Variants in DAPK2 observed in about 807,000 individuals in gnomAD.
The protein encoded by DAPK2 is death associated protein kinase 2.
In DAPK2, 35 loss-of-function variants were observed where a neutral mutation model predicts 44.1. The ratio of observed to expected loss-of-function variants is 0.79; its 90% CI spans 0.61 to 1.05. The LOEUF is 1.05. DAPK2 is among the 50% of genes least tolerant of loss of function. DAPK2 has a pLI of 0.00. For missense variants in DAPK2, 453 were observed against 483.2 expected, an observed-to-expected ratio of 0.94 and a Z score of 0.59; for synonymous variants, 174 against 182.6, an observed-to-expected ratio of 0.95 and a Z score of 0.38.
chr15:64,003,255 A>G (rs551731917), intron 1 of DAPK2, among the ~76,000 whole-genome samples: 88 of 152,132 alleles, frequency 5.8e-4, no homozygotes, highest in Non-Finnish European at 1.0e-3. Context: ...TTCGATCCAG[A>G]GCACATCTCT....
At position 63,946,651 on chromosome 15, in the gene DAPK2, G is replaced by C. The variant is rs1401430453; in HGVS notation, c.454-7290C>G. Among the ~76,000 whole-genome samples, 3 of 152,308 alleles carry C rather than the reference G, an allele frequency of 2.0e-5. No homozygotes were observed. The East Asian group carries it at 5.8e-4, about 29-fold the overall frequency. On this transcript the variant is annotated intron_variant, in intron 3 of 10. Coordinates refer to ENST00000261891, the Ensembl canonical transcript of DAPK2. ...TGCAAGGGACCTCAGAGATCATTTA[G>C]TCCCTTCATGTCAGAGCAGCCCAGA...
chr15:63,908,515 G>T lies in DAPK2; in HGVS notation c.*5C>A. On this transcript the variant is annotated 3_prime_UTR_variant, in exon 11 of 11. Coordinates refer to ENST00000261891, the Ensembl canonical transcript of DAPK2. This position sits in a 1 kb window ranked among gnomAD's most constrained non-coding sequence, Gnocchi z 5.7. Reference sequence around the variant, plus strand: ...CTCCCTGGCGGCCACTGCAGGTCAGGCCAGTTAGGAGGTGCTGCTCCTCCT... The same window carrying T: ...CTCCCTGGCGGCCACTGCAGGTCAGTCCAGTTAGGAGGTGCTGCTCCTCCT... 6.3e-7 allele frequency: 1 copy of T among 1,583,972 alleles called. No individual in the cohort carries two copies.
intron 1 of DAPK2, among the ~76,000 whole-genome samples, chr15:64,045,640 C>T (rs2080444721): frequency 6.6e-6 from 1 of 152,226 alleles, no homozygotes; most frequent in Admixed American, 6.5e-5. Flanking sequence ...ATACCAATTT[C>T]CACCGTGCAG....
intron 1 of DAPK2, among the ~76,000 whole-genome samples, chr15:64,036,307 G>GTATATA (rs1233918566): frequency 6.4e-4 from 34 of 53,140 alleles, no homozygotes; most frequent in East Asian, 3.1e-3. Context: ...GTGTGTGTGT[G>GTATATA]TGTATATATA....
At position 63,926,020 on chromosome 15, in the gene DAPK2, C is replaced by T. The variant is rs370739509; in HGVS notation, c.733G>A (p.Asp245Asn). ...TGGCTGAAGAATTCCTCATCAAAGTCGTAACTCACTGCTGTGATATTTGCC... is the reference window on the plus strand; with the variant it reads ...TGGCTGAAGAATTCCTCATCAAAGTTGTAACTCACTGCTGTGATATTTGCC... Residue 245 changes from aspartate to asparagine, a missense_variant, in exon 7 of 11, where the codon GAC (aspartate) becomes AAC (asparagine). Coordinates refer to ENST00000261891, the Ensembl canonical transcript of DAPK2. 25 of 1,614,064 alleles carry T rather than the reference C, an allele frequency of 1.5e-5. No homozygotes were observed. Among genetic ancestry groups the T allele is most frequent in the African/African-American group, 1.5e-4 (11 of 74,938 alleles).
chr15:63,948,085 T>A (rs1168099910), intron 3 of DAPK2, among the ~76,000 whole-genome samples: 2 of 151,800 alleles, frequency 1.3e-5, no homozygotes, highest in African/African-American at 4.8e-5. Context: ...CTGGCCAACA[T>A]AGCGAAACCC....
intron 1 of DAPK2, among the ~76,000 whole-genome samples, chr15:63,985,191 T>C (rs1458325765): frequency 7.7e-6 from 1 of 130,670 alleles, no homozygotes; most frequent in Non-Finnish European, 1.6e-5. Context: ...GGGGCTGGAC[T>C]GGGCAGAGAA....
chr15:64,027,518 C>T (rs1013701902), intron 1 of DAPK2, among the ~76,000 whole-genome samples: 5 of 151,944 alleles, frequency 3.3e-5, no homozygotes, highest in African/African-American at 7.3e-5. Flanking sequence ...GCCATGATCA[C>T]GCCACTGCCC....
At position 63,939,440 on chromosome 15, in the gene DAPK2, C is replaced by G. The variant is rs1447663901; in HGVS notation, c.454-79G>C. ...GACGGTAATTAAAGGCTGGTTGGTT[C>G]GTGTTTTGGCTTTGGGGTTTGGGGT... On this transcript the variant is annotated intron_variant, in intron 3 of 10. Transcript: ENST00000261891. The surrounding 1 kb of genome is among the most constrained non-coding windows in gnomAD (Gnocchi z 4.3). The G allele has an allele frequency of 6.9e-7, 1 of 1,440,652 alleles. No individual in the cohort carries two copies. Among genetic ancestry groups the G allele is most frequent in the Non-Finnish European group, 9.3e-7 (1 of 1,075,112 alleles). The allele number at this position is 1,440,652 out of a possible 1,614,324, so 89.2% of individuals were successfully genotyped here.
chr15:63,908,630 G>T lies in DAPK2; in HGVS notation c.1033-30C>A. 1 of 1,553,060 alleles carries T rather than the reference G, an allele frequency of 6.4e-7. No individual in the cohort carries two copies. On this transcript the variant is annotated intron_variant, in intron 10 of 10. Transcript: ENST00000261891. This position sits in a 1 kb window ranked among gnomAD's most constrained non-coding sequence, Gnocchi z 5.7. ...AGAAAAAAAAGAGAAAGAGGTCCAG[G>T]GCAGGAGGATCATGAGACGCCAGGA...
At chr15:63,928,487 A>C (rs2079386400) in intron 6 of DAPK2, 1 of 152,230 alleles carries the variant, frequency 6.6e-6, no homozygotes, top group African/African-American at 2.4e-5. Context: ...GAAGGCAAAA[A>C]GGTTGGGAAG....
In DAPK2 at chr15:64,002,311, T is replaced by C. The variant is rs954833861; in HGVS notation, c.93-18557A>G. ...AGTTCATCAGAAATTCCTTTTTTTATGTAAGTCTTCTTATTGGAAACACAA... is the reference window on the plus strand; with the variant it reads ...AGTTCATCAGAAATTCCTTTTTTTACGTAAGTCTTCTTATTGGAAACACAA... On this transcript the variant is annotated intron_variant, in intron 1 of 10. Coordinates refer to ENST00000261891, the Ensembl canonical transcript of DAPK2. Among the ~76,000 whole-genome samples, 4 of 152,238 alleles carry C rather than the reference T, an allele frequency of 2.6e-5. No individual in the cohort carries two copies. In the East Asian group the frequency reaches 7.7e-4, roughly 29 times the overall value.
intron 1 of DAPK2, among the ~76,000 whole-genome samples, chr15:64,001,178 G>A (rs1051498431): frequency 1.1e-4 from 17 of 149,340 alleles, no homozygotes; most frequent in Non-Finnish European, 2.2e-4. Context: ...CACCCGGCCA[G>A]AGTCAACACT....
chr15:63,983,767 A>G lies in DAPK2; in HGVS notation c.93-13T>C. On this transcript the variant is annotated splice_polypyrimidine_tract_variant and intron_variant, in intron 1 of 10. Transcript: ENST00000261891. ...GGCAAACTGGCCACTGTGGGGACAC[A>G]GACCCACAAGATTAGGTCATCACTG... 1.2e-6 allele frequency: 2 copies of G among 1,606,026 alleles called. No homozygotes were observed. Among genetic ancestry groups the G allele is most frequent in the Non-Finnish European group, 1.7e-6 (2 of 1,177,832 alleles).
intron 2 of DAPK2, among the ~76,000 whole-genome samples, chr15:63,974,187 C>T (rs2078286039): frequency 1.3e-5 from 2 of 152,138 alleles, no homozygotes; most frequent in South Asian, 4.1e-4. Flanking sequence ...TTTTTACTTG[C>T]TAAATCTGGC....
intron 4 of DAPK2, among the ~76,000 whole-genome samples, chr15:63,932,309 T>C (rs541142350): frequency 2.0e-5 from 3 of 149,850 alleles, no homozygotes; most frequent in African/African-American, 7.4e-5. Context: ...CAACTAAAAG[T>C]ACAAAATTAG....
chr15:63,936,826 A>T (rs537648022), intron 4 of DAPK2, among the ~76,000 whole-genome samples: 27 of 151,868 alleles, frequency 1.8e-4, no homozygotes, highest in Admixed American at 2.6e-4. Flanking sequence ...AAAAATTTTT[A>T]AAAAATTGCC....
chr15:63,984,320 T>G (rs928023984), intron 1 of DAPK2, among the ~76,000 whole-genome samples: 2 of 152,158 alleles, frequency 1.3e-5, no homozygotes, highest in African/African-American at 2.4e-5. Flanking sequence ...AGCCTCAAAG[T>G]CAGATACCCA....
chr15:64,015,222 C>T (rs891129554), intron 1 of DAPK2, among the ~76,000 whole-genome samples: 8 of 152,238 alleles, frequency 5.3e-5, no homozygotes, highest in Admixed American at 3.9e-4. Context: ...CAAGGACAGC[C>T]TCTCTCTTGC....
Sources: gnomAD v4.1 joint callset for allele counts (sites outside exome capture counted in the v4.1 genomes callset) on GRCh38, gnomAD v4.1.1 for gene constraint, Gnocchi (gnomAD v3.1) non-coding constraint, MANE v1.5 for transcripts, NCBI Gene and HGNC (gene_info 2026-07-23, HGNC 2026-07-21) for gene names.